The following NRG1 variants were observed in gnomAD, a reference collection of about 807,000 sequenced individuals.
NRG1 encodes pro-neuregulin-1, membrane-bound isoform.
Under a neutral mutation model 63.8 loss-of-function variants are expected in NRG1, and 18 were observed. The ratio of observed to expected loss-of-function variants is 0.28; its 90% CI spans 0.19 to 0.42. The LOEUF (loss-of-function observed/expected upper bound fraction) is 0.42, where lower values mean the gene tolerates loss of function less well. NRG1 is among the 10% of genes least tolerant of loss of function. NRG1 has a pLI of 1.00. For synonymous variants in NRG1, 302 were observed against 301.3 expected (o/e 1.00, Z -0.02); for missense variants, 762 against 814.7 (o/e 0.94, Z 0.79).
Position 32,756,535 on chromosome 8 carries a change from T to C in NRG1, c.921+6T>C, listed in dbSNP as rs1829728601. 6.2e-7 allele frequency: 1 copy of C among 1,609,262 alleles called. No homozygotes were observed. The highest frequency in any genetic ancestry group is 8.5e-7 in the Non-Finnish European group (1 of 1,178,052). On this transcript the variant is annotated splice_donor_region_variant and intron_variant, in intron 9 of 11. Transcript: ENST00000356819. The stretch of plus-strand genomic sequence containing the variant: ...AGAATGTCCAGCTGGTGAATGTACG[T>C]TGACTCTGGCCAGTGGAAAAAACTG...
At chr8:32,455,528 T>C (rs1351422125) in intron 1 of NRG1, among the ~76,000 whole-genome samples, 1 of 152,186 alleles carries the variant, frequency 6.6e-6, no homozygotes, top group African/African-American at 2.4e-5. Flanking sequence ...TATTAGTAAA[T>C]TATATTTCCA....
chr8:32,593,902 G>A (rs1410280353), intron 1 of NRG1, among the ~76,000 whole-genome samples: 1 of 146,352 alleles, frequency 6.8e-6, no homozygotes, highest in African/African-American at 2.5e-5. Context: ...CAGGTATCAA[G>A]GGCTAAGAAC....
chr8:32,091,049 G>C (rs1432392928), intron 1 of NRG1, among the ~76,000 whole-genome samples: 1 of 152,192 alleles, frequency 6.6e-6, no homozygotes. Flanking sequence ...GGAGGCCGAG[G>C]TGGGCGGATC....
intron 1 of NRG1, among the ~76,000 whole-genome samples, chr8:31,949,605 G>T (rs1421058997): frequency 2.0e-5 from 3 of 152,138 alleles, no homozygotes; most frequent in African/African-American, 7.2e-5. Context: ...ATCATGAGCT[G>T]CTTATCTCCA....
intron 1 of NRG1, among the ~76,000 whole-genome samples, chr8:32,234,911 T>C (rs1283135544): frequency 6.6e-6 from 1 of 151,936 alleles, no homozygotes; most frequent in Non-Finnish European, 1.5e-5. Flanking sequence ...ACATAAGAGG[T>C]TTTTATTCAA....
intron 1 of NRG1, among the ~76,000 whole-genome samples, chr8:32,457,561 T>C (rs1821753013): frequency 6.6e-6 from 1 of 152,236 alleles, no homozygotes; most frequent in Non-Finnish European, 1.5e-5. Flanking sequence ...TAAAGTTTAA[T>C]ATGATTCCTC....
chr8:31,776,387 C>A (rs1436547590), intron 1 of NRG1, among the ~76,000 whole-genome samples: 1 of 152,096 alleles, frequency 6.6e-6, no homozygotes, highest in East Asian at 1.9e-4. Flanking sequence ...CATTTAGATG[C>A]CCAAGCCTCT....
intron 1 of NRG1, among the ~76,000 whole-genome samples, chr8:32,335,748 G>T (rs1803181946): frequency 6.6e-6 from 1 of 151,988 alleles, no homozygotes; most frequent in African/African-American, 2.4e-5. Context: ...CCTTGCTTTG[G>T]GCCCTGTCAT....
chr8:31,751,990 G>T (rs1219091963), intron 1 of NRG1, among the ~76,000 whole-genome samples: 2 of 151,934 alleles, frequency 1.3e-5, no homozygotes, highest in Non-Finnish European at 2.9e-5. Flanking sequence ...TGCCATTCCT[G>T]TGACTCATGT....
chr8:32,114,505 T>TA (rs1034360132), intron 1 of NRG1, among the ~76,000 whole-genome samples: 17 of 149,874 alleles, frequency 1.1e-4, no homozygotes, highest in East Asian at 2.0e-4. Context: ...ATGGAAGAAC[T>TA]AAAAAAAAAA....
chr8:32,699,316 G>A (rs762104448), intron 5 of NRG1, among the ~76,000 whole-genome samples: 11 of 152,148 alleles, frequency 7.2e-5, no homozygotes, highest in Admixed American at 5.2e-4. Context: ...TGTAGTTGAC[G>A]GTGATTGAGG....
intron 5 of NRG1, among the ~76,000 whole-genome samples, chr8:32,695,845 T>C (rs1029815973): frequency 1.3e-5 from 2 of 152,234 alleles, no homozygotes; most frequent in African/African-American, 4.8e-5. Context: ...TATCAAACTA[T>C]ATTATCCAAA....
intron 1 of NRG1, among the ~76,000 whole-genome samples, chr8:32,356,329 C>G (rs1427100142): frequency 2.6e-5 from 4 of 152,042 alleles, no homozygotes; most frequent in Admixed American, 2.6e-4. Flanking sequence ...TATGATCAGG[C>G]TATATAAAAT....
intron 2 of NRG1, among the ~76,000 whole-genome samples, chr8:32,597,416 A>G (rs1843552621): frequency 6.6e-6 from 1 of 152,154 alleles, no homozygotes; most frequent in Non-Finnish European, 1.5e-5. Context: ...GACTCTAGTT[A>G]TTGATCATGT....
At chr8:32,068,285 T>C (rs1037606592) in intron 1 of NRG1, among the ~76,000 whole-genome samples, 4 of 152,200 alleles carry the variant, frequency 2.6e-5, no homozygotes, top group Admixed American at 6.5e-5. Flanking sequence ...GGTGACATCA[T>C]GGCTTATGGG....
intron 1 of NRG1, among the ~76,000 whole-genome samples, chr8:32,214,059 G>A (rs542724554): frequency 2.0e-4 from 30 of 152,266 alleles, no homozygotes; most frequent in East Asian, 3.9e-4. Flanking sequence ...CTGTGGTTCC[G>A]TCTCTGGACT....
chr8:31,803,248 A>G (rs1244210583), intron 1 of NRG1, among the ~76,000 whole-genome samples: 1 of 152,194 alleles, frequency 6.6e-6, no homozygotes, highest in Non-Finnish European at 1.5e-5. Context: ...CTGCAGTTAT[A>G]ATCTTTCCAG....
intron 1 of NRG1, among the ~76,000 whole-genome samples, chr8:32,243,952 G>A (rs1848373265): frequency 6.6e-6 from 1 of 152,090 alleles, no homozygotes; most frequent in Admixed American, 6.6e-5. Flanking sequence ...CTCAGGTTTT[G>A]GAACTGCAGG....
At chr8:32,124,611 C>T (rs912374842) in intron 1 of NRG1, among the ~76,000 whole-genome samples, 7 of 151,824 alleles carry the variant, frequency 4.6e-5, no homozygotes, top group Non-Finnish European at 8.8e-5. Flanking sequence ...ACTGACACCC[C>T]CTTGTGCTCC....
Sources: gnomAD v4.1 joint callset for allele counts (sites outside exome capture counted in the v4.1 genomes callset) on GRCh38, gnomAD v4.1.1 for gene constraint, MANE v1.5 for transcripts, NCBI Gene and HGNC (gene_info 2026-07-23, HGNC 2026-07-21) for gene names.